The following PALM variants were observed in gnomAD, a reference collection of about 807,000 sequenced individuals.
PALM encodes the protein paralemmin, also known as paralemmin-1.
Under a neutral mutation model 30.7 loss-of-function variants are expected in PALM, and 18 were observed. That is an observed-to-expected ratio of 0.59 (90% CI 0.41 to 0.87). PALM has a LOEUF of 0.87. Ranked by LOEUF, PALM falls within the 40% of genes least tolerant of loss-of-function variation. PALM has a pLI of 0.00. For missense variants in PALM, 529 were observed against 555.4 expected, an observed-to-expected ratio of 0.95 and a Z score of 0.48; for synonymous variants, 286 against 242.8, an observed-to-expected ratio of 1.18 and a Z score of -1.66.
chr19:726,820 A>G (rs1767317958), intron 2 of PALM, among the ~76,000 whole-genome samples, 188 bp from the exon 3 acceptor site: 2 of 152,094 alleles, frequency 1.3e-5, no homozygotes, highest in Non-Finnish European at 2.9e-5. Context: ...GATTTTCGAG[A>G]CAGGGTCTTG....
At chr19:713,688 C>T (rs928173212) in intron 1 of PALM, among the ~76,000 whole-genome samples, 1 of 152,002 alleles carries the variant, frequency 6.6e-6, no homozygotes, top group Non-Finnish European at 1.5e-5. Context: ...ACGCGATTCT[C>T]ATGCCTCAGC....
At chr19:716,177 C>T (rs912581006) in intron 1 of PALM, among the ~76,000 whole-genome samples, 11 of 151,968 alleles carry the variant, frequency 7.2e-5, no homozygotes, top group Non-Finnish European at 1.3e-4. Flanking sequence ...TTTGGGAGGC[C>T]GAGGCGGGCA....
Position 726,990 on chromosome 19 carries a change from A to ACCCCC in PALM, c.58-15_58-14insCCCCC. ...GACCCCCACGCCCATCCCTGACCCC[A>ACCCCC]CCCGGCCCTCCCCACAGGAGAAGCG... On this transcript the variant is annotated splice_polypyrimidine_tract_variant and intron_variant, in intron 2 of 8. Transcript: ENST00000338448. The ACCCCC allele has an allele frequency of 1.9e-6, 1 of 538,626 alleles. No individual in the cohort carries two copies. The highest frequency in any genetic ancestry group is 3.2e-6 in the Non-Finnish European group (1 of 310,872). 33.4% of individuals were successfully genotyped at this position (538,626 alleles called of 1,614,324 possible).
chr19:735,966 T>C (rs961531478), intron 6 of PALM, 53 bp from the exon 7 acceptor site: 2 of 1,494,206 alleles, frequency 1.3e-6, no homozygotes, highest in Non-Finnish European at 1.8e-6. Context: ...GGGGGGTCCA[T>C]GTGACCTCTC....
At chr19:719,640 A>C (rs1017691653) in intron 1 of PALM, 3 of 985,784 alleles carry the variant, frequency 3.0e-6, no homozygotes, top group Non-Finnish European at 3.6e-6. Context: ...CCCGGGACTC[A>C]GCTCCTCCGC....
rs1488360796 is a variant in PALM, at chr19:746,564, A to T, written c.914A>T (p.Tyr305Phe). The T allele has an allele frequency of 1.2e-6, 2 of 1,613,338 alleles. No individual in the cohort carries two copies. The highest frequency in any genetic ancestry group is 1.7e-6 in the Non-Finnish European group (2 of 1,179,878). The change falls in exon 9 of 9, where the codon TAC becomes TTC. Residue 305 changes from tyrosine (Y) to phenylalanine (F), a missense_variant. By Grantham distance (22) the Tyr-to-Phe change is conservative (BLOSUM62 3). Transcript: ENST00000338448. The surrounding 1 kb of genome is among the most constrained non-coding windows in gnomAD (Gnocchi z 7.1). ...CCGGTCACAATGATCTTCATGGGTT[A>T]CCAGAACGTGGAGGATGAGGCCGAG... ...EPPVTMIFMGYQNVEDEAETK... is the reference protein window; with the variant it reads ...EPPVTMIFMGFQNVEDEAETK...
At chr19:726,964 G>C in intron 2 of PALM, 44 bp from the exon 3 acceptor site, 2 of 1,162,382 alleles carry the variant, frequency 1.7e-6, no homozygotes, top group East Asian at 2.8e-5. Context: ...GGGGTCTCCG[G>C]GACCCCCACG....
At chr19:731,420 G>T (rs1014108920) in intron 5 of PALM, among the ~76,000 whole-genome samples, 175 bp downstream of exon 5, 2 of 152,216 alleles carry the variant, frequency 1.3e-5, no homozygotes, top group East Asian at 1.9e-4. Flanking sequence ...GGGACACGTG[G>T]TTTCGCCTTG....
chr19:723,914 A>G (rs2032577450), intron 1 of PALM, among the ~76,000 whole-genome samples: 1 of 151,828 alleles, frequency 6.6e-6, no homozygotes, highest in Non-Finnish European at 1.5e-5. Context: ...GCATTTTACT[A>G]AGCACCTACT....
At chr19:726,955 G>C (rs984054552) in intron 2 of PALM, 53 bp from the exon 3 acceptor site, 2 of 1,086,204 alleles carry the variant, frequency 1.8e-6, no homozygotes, top group African/African-American at 3.1e-5. Flanking sequence ...GGGGGTGGGG[G>C]GGTCTCCGGG....
At chr19:728,118 C>T (rs886722150) in intron 4 of PALM, among the ~76,000 whole-genome samples, 5 of 152,188 alleles carry the variant, frequency 3.3e-5, no homozygotes, top group African/African-American at 9.6e-5. Flanking sequence ...GGCGGGCAAG[C>T]GCTCCCATGG....
At chr19:710,049 C>T (rs2032021191) in intron 1 of PALM, among the ~76,000 whole-genome samples, 1 of 152,130 alleles carries the variant, frequency 6.6e-6, no homozygotes, top group African/African-American at 2.4e-5. Flanking sequence ...GGTCAGGAGG[C>T]TCCTCCTGGG....
chr19:711,294 TG>T (rs2032072804), intron 1 of PALM: 3 of 492,468 alleles, frequency 6.1e-6, no homozygotes, highest in Non-Finnish European at 7.9e-6. Context: ...GCGTGACACA[TG>T]GTCTGGCTGG....
At chr19:720,434 G>A (rs1347618207) in intron 1 of PALM, among the ~76,000 whole-genome samples, 8 of 146,012 alleles carry the variant, frequency 5.5e-5, no homozygotes, top group African/African-American at 2.0e-4. Flanking sequence ...CGCCGGGTCT[G>A]GGGAGGGGCA....
chr19:729,103 G>T (rs1189668618), intron 4 of PALM, among the ~76,000 whole-genome samples: 1 of 152,016 alleles, frequency 6.6e-6, no homozygotes, highest in African/African-American at 2.4e-5. Context: ...GAGGCAGGAG[G>T]ATCACCTGAG....
At chr19:720,824 C>T (rs1183824655) in intron 1 of PALM, among the ~76,000 whole-genome samples, 2 of 152,152 alleles carry the variant, frequency 1.3e-5, no homozygotes, top group East Asian at 3.9e-4. Context: ...TCCCCGGGTC[C>T]GGTCTGAGCG....
intron 1 of PALM, among the ~76,000 whole-genome samples, chr19:715,657 T>C (rs534988372): frequency 1.3e-5 from 2 of 152,108 alleles, no homozygotes; most frequent in African/African-American, 4.8e-5. Flanking sequence ...TCATGGATAG[T>C]GTGTGAGCAG....
At chr19:731,542 G>A (rs11670574) in intron 5 of PALM, among the ~76,000 whole-genome samples, 18,093 of 78,312 alleles carry the variant, frequency 0.23, 2,214 homozygotes, top group East Asian at 0.4. Flanking sequence ...CATCAGAAGG[G>A]CTCAGGGAAG....
chr19:735,172 GTGGGGTCTGTGTGTCTGGGGGCCC>G (rs2032987096), intron 6 of PALM: 1 of 148,920 alleles, frequency 6.7e-6, no homozygotes, highest in Admixed American at 9.9e-5. Flanking sequence ...TGGTGTCTGG[GTGGGGTCTGTGTGTCTGGGGGCCC>G]AGGTGCCTGT....
Sources: gnomAD v4.1 joint callset for allele counts (sites outside exome capture counted in the v4.1 genomes callset) on GRCh38, gnomAD v4.1.1 for gene constraint, Gnocchi (gnomAD v3.1) non-coding constraint, MANE v1.5 for transcripts, NCBI Gene and HGNC (gene_info 2026-07-23, HGNC 2026-07-21) for gene names.